Variants in DENND5B observed in about 807,000 individuals in gnomAD.
DENND5B encodes the protein DENN domain-containing protein 5B.
A neutral mutation model predicts 140.6 loss-of-function variants in DENND5B; 34 were observed. The ratio of observed to expected loss-of-function variants is 0.24; its 90% CI spans 0.18 to 0.32. The LOEUF is 0.32. Ranked by LOEUF, DENND5B falls within the 10% of genes least tolerant of loss-of-function variation. The pLI is 1.00. For synonymous variants in DENND5B, 551 were observed against 562.1 expected (o/e 0.98, Z 0.28); for missense variants, 1,142 against 1,560.2 (o/e 0.73, Z 4.52).
intron 1 of DENND5B, among the ~76,000 whole-genome samples, chr12:31,522,881 C>G (rs1245102416): frequency 6.6e-6 from 1 of 151,962 alleles, no homozygotes; most frequent in Non-Finnish European, 1.5e-5. Flanking sequence ...GCTTTGACTT[C>G]CAGTTTTATT....
At chr12:31,499,955 A>G (rs755228365) in intron 1 of DENND5B, among the ~76,000 whole-genome samples, 23 of 152,218 alleles carry the variant, frequency 1.5e-4, no homozygotes, top group Admixed American at 3.9e-4. Context: ...CTTAATGCTT[A>G]CTTAAAGAGG....
At chr12:31,403,829 G>A (rs972781449) in intron 14 of DENND5B, among the ~76,000 whole-genome samples, 5 of 147,536 alleles carry the variant, frequency 3.4e-5, no homozygotes, top group Admixed American at 2.0e-4. Flanking sequence ...CCGGGAGGCA[G>A]AGGTTGCAGC....
At chr12:31,552,143 T>A (rs376633508) in intron 1 of DENND5B, among the ~76,000 whole-genome samples, 32 of 151,662 alleles carry the variant, frequency 2.1e-4, no homozygotes, top group East Asian at 9.6e-4. Context: ...GTCTTGTGCC[T>A]GTTTTCAAAG....
intron 3 of DENND5B, among the ~76,000 whole-genome samples, chr12:31,463,044 C>A (rs1945092737): frequency 6.6e-6 from 1 of 152,178 alleles, no homozygotes; most frequent in African/African-American, 2.4e-5. Flanking sequence ...AGGAGAATCA[C>A]CTGAGGCCAG....
intron 3 of DENND5B, among the ~76,000 whole-genome samples, chr12:31,464,022 C>T (rs984304354): frequency 6.6e-6 from 1 of 152,138 alleles, no homozygotes; most frequent in Non-Finnish European, 1.5e-5. Flanking sequence ...TTCTTTTTAA[C>T]TGAATCAAGA....
At position 31,542,072 on chromosome 12, in the gene DENND5B, G is replaced by T. The variant is rs146159295; in HGVS notation, c.128-46153C>A. On this transcript the variant is annotated intron_variant, in intron 1 of 20. Transcript: ENST00000389082. ...GGAGGCCAAAACGGGCAGATCACAA[G>T]GTCAGGAGTTCAAGACCAGTCTGGC... is the stretch of plus-strand genomic sequence containing the variant. 1.5e-3 allele frequency among the ~76,000 whole-genome samples: 222 copies of T among 152,266 alleles called. 1 individual carries two copies. Among genetic ancestry groups the T allele is most frequent in the African/African-American group, 4.9e-3 (202 of 41,540 alleles).
chr12:31,415,536 G>C, intron 11 of DENND5B, 88 bp from the exon 12 acceptor site: 2 of 1,094,248 alleles, frequency 1.8e-6, no homozygotes, highest in Admixed American at 2.5e-5. Context: ...GCTTCGATAA[G>C]AACAAATTTT....
chr12:31,520,743 T>C (rs1010231552), intron 1 of DENND5B, among the ~76,000 whole-genome samples: 4 of 152,076 alleles, frequency 2.6e-5, no homozygotes, highest in African/African-American at 9.7e-5. Context: ...GGTTTCACTG[T>C]GTTAGCCAGG....
At chr12:31,389,724 C>A (rs1049546509) in intron 19 of DENND5B, among the ~76,000 whole-genome samples, 2 of 152,114 alleles carry the variant, frequency 1.3e-5, no homozygotes, top group African/African-American at 4.8e-5. Context: ...TTCCAGAAGA[C>A]TGGAAAGTTT....
At chr12:31,511,411 T>C (rs1019655910) in intron 1 of DENND5B, among the ~76,000 whole-genome samples, 8 of 152,188 alleles carry the variant, frequency 5.3e-5, no homozygotes, top group African/African-American at 1.9e-4. Context: ...ACCACTATCG[T>C]ACAAACACTG....
intron 14 of DENND5B, among the ~76,000 whole-genome samples, chr12:31,405,509 G>C (rs1225325703): frequency 1.5e-5 from 2 of 137,850 alleles, no homozygotes; most frequent in East Asian, 4.7e-4. Flanking sequence ...TGAGCCACCT[G>C]CCATGTATGT....
intron 1 of DENND5B, among the ~76,000 whole-genome samples, chr12:31,557,241 G>C (rs889332143): frequency 3.9e-5 from 6 of 152,054 alleles, no homozygotes; most frequent in Non-Finnish European, 7.4e-5. Flanking sequence ...AGACATAATG[G>C]CTACTAAATG....
chr12:31,555,927 G>A lies in DENND5B; in HGVS notation c.127+34779C>T, dbSNP rs7137725. On this transcript the variant is annotated intron_variant, in intron 1 of 20. Transcript: ENST00000389082. The stretch of plus-strand genomic sequence containing the variant: ...GGAAAAGCACAATATTAGGGTGGGA[G>A]TGAGCCGATTTTCCAGGTGCCCTCT... 6.0e-3 allele frequency among the ~76,000 whole-genome samples: 908 copies of A among 152,346 alleles called. 6 individuals are homozygous for A. Among genetic ancestry groups the A allele is most frequent in the African/African-American group, 0.02 (847 of 41,574 alleles).
At chr12:31,469,621 T>C (rs1294945237) in intron 3 of DENND5B, among the ~76,000 whole-genome samples, 1 of 152,142 alleles carries the variant, frequency 6.6e-6, no homozygotes, top group Non-Finnish European at 1.5e-5. Flanking sequence ...TTTGTAGTCA[T>C]CCAAGAAAAA....
chr12:31,574,269 AT>A (rs1481650676), intron 1 of DENND5B, among the ~76,000 whole-genome samples: 2 of 130,130 alleles, frequency 1.5e-5, no homozygotes, highest in Non-Finnish European at 3.2e-5. Context: ...TCTCTAAAAA[AT>A]AATAATAATA....
At chr12:31,575,098 GA>G (rs1218427100) in intron 1 of DENND5B, among the ~76,000 whole-genome samples, 1 of 152,128 alleles carries the variant, frequency 6.6e-6, no homozygotes, top group African/African-American at 2.4e-5. Flanking sequence ...TATTTATTAA[GA>G]AAATACATAC....
intron 3 of DENND5B, among the ~76,000 whole-genome samples, chr12:31,462,143 C>T (rs146564643): frequency 2.0e-5 from 3 of 152,186 alleles, no homozygotes; most frequent in African/African-American, 7.2e-5. Flanking sequence ...GTCAGTCATA[C>T]GAGCACAAAG....
chr12:31,441,041 T>TA (rs1333572286), intron 7 of DENND5B, among the ~76,000 whole-genome samples: 14 of 151,456 alleles, frequency 9.2e-5, no homozygotes, highest in African/African-American at 2.2e-4. Context: ...TGGCCTAATT[T>TA]AAAAAAAAAT....
rs1175401966 is a variant in DENND5B at position 31,550,707 on chromosome 12, C to T, written c.127+39999G>A. 5.3e-5 allele frequency among the ~76,000 whole-genome samples: 8 copies of T among 152,164 alleles called. No individual in the cohort carries two copies. The South Asian group carries it at 1.7e-3, about 31-fold the overall frequency. Reference sequence around the variant, plus strand: ...CAGTGTAAAAGTGTTCCTATTTCTCCACATCCTCTCCAGCACCTGTTGTTT... The same window carrying T: ...CAGTGTAAAAGTGTTCCTATTTCTCTACATCCTCTCCAGCACCTGTTGTTT... On this transcript the variant is annotated intron_variant, in intron 1 of 20. Coordinates refer to ENST00000389082, the MANE Select transcript of DENND5B (RefSeq NM_144973.4).
Sources: gnomAD v4.1 joint callset for allele counts (sites outside exome capture counted in the v4.1 genomes callset) on GRCh38, gnomAD v4.1.1 for gene constraint, MANE v1.5 for transcripts, NCBI Gene and HGNC (gene_info 2026-07-23, HGNC 2026-07-21) for gene names.